Variants in RGL1 observed in about 807,000 individuals in gnomAD.
RGL1 encodes the protein ral guanine nucleotide dissociation stimulator like 1.
A neutral mutation model predicts 95.2 loss-of-function variants in RGL1; 24 were observed. That is an observed-to-expected ratio of 0.25 (90% confidence interval 0.18 to 0.35). RGL1 has a LOEUF of 0.35. Ranked by LOEUF, RGL1 falls within the 10% of genes least tolerant of loss-of-function variation. The pLI, the probability that RGL1 is intolerant of heterozygous loss-of-function variation, is 1.00. For synonymous variants in RGL1, 329 were observed against 344.9 expected (o/e 0.95, Z 0.51); for missense variants, 715 against 936.3 (o/e 0.76, Z 3.08).
chr1:183,919,668 A>G (rs2102753024), intron 16 of RGL1, among the ~76,000 whole-genome samples: 1 of 152,334 alleles, frequency 6.6e-6, no homozygotes, highest in South Asian at 2.1e-4. Context: ...TGACCATGGA[A>G]AAATGTCTTC....
intron 2 of RGL1, among the ~76,000 whole-genome samples, chr1:183,841,707 T>C (rs1664073246): frequency 6.6e-6 from 1 of 152,202 alleles, no homozygotes; most frequent in African/African-American, 2.4e-5. Context: ...ACATACATGA[T>C]TTCTGCTGAG....
chr1:183,876,244 A>G (rs1666489948), intron 4 of RGL1, among the ~76,000 whole-genome samples: 2 of 152,372 alleles, frequency 1.3e-5, no homozygotes, highest in African/African-American at 4.8e-5. Flanking sequence ...TTGGTGAATG[A>G]ATTTCTTAGA....
chr1:183,916,601 C>T lies in RGL1; in HGVS notation c.1904C>T (p.Ser635Leu), dbSNP rs1416862285. 2 of 1,613,922 alleles carry T rather than the reference C, an allele frequency of 1.2e-6. No individual in the cohort carries two copies. The highest frequency in any genetic ancestry group is 1.7e-5 in the Admixed American group (1 of 60,002). Residue 635 changes from serine (S) to leucine (L), a missense_variant, in exon 16 of 18, where the codon TCG (serine) becomes TTG (leucine). Ser to Leu is a moderately radical substitution (Grantham distance 145). Transcript: ENST00000360851. Reference protein sequence around the residue: ...KRSVSVTSITSTVLPPVYNQQ... With the variant: ...KRSVSVTSITLTVLPPVYNQQ... ...TCTGTCTCGGTGACGTCCATTACCT[C>T]GACTGTGCTGCCTCCTGTTTACAAC...
At chr1:183,907,523 C>T (rs894777597) in intron 14 of RGL1, among the ~76,000 whole-genome samples, 3 of 152,198 alleles carry the variant, frequency 2.0e-5, no homozygotes, top group Non-Finnish European at 4.4e-5. Flanking sequence ...CTGCAGACTT[C>T]CCTCTCTTAC....
intron 1 of RGL1, among the ~76,000 whole-genome samples, chr1:183,727,699 C>G (rs537840401): frequency 6.6e-6 from 1 of 152,112 alleles, no homozygotes; most frequent in Non-Finnish European, 1.5e-5. Context: ...ATGCAGCAAA[C>G]AGCAAATCTT....
intron 2 of RGL1, among the ~76,000 whole-genome samples, chr1:183,780,468 G>A (rs918780609): frequency 6.6e-6 from 1 of 152,206 alleles, no homozygotes; most frequent in Non-Finnish European, 1.5e-5. Flanking sequence ...TCAGCATTTA[G>A]AAATTATCCA....
chr1:183,679,837 G>A (rs761935875), intron 1 of RGL1, among the ~76,000 whole-genome samples: 1 of 152,208 alleles, frequency 6.6e-6, no homozygotes, highest in Non-Finnish European at 1.5e-5. Flanking sequence ...CACTAACAGT[G>A]TAAAAGTGTT....
chr1:183,668,265 CCTGT>C (rs1652181835), intron 1 of RGL1, among the ~76,000 whole-genome samples: 1 of 151,994 alleles, frequency 6.6e-6, no homozygotes, highest in Non-Finnish European at 1.5e-5. Flanking sequence ...TCAATTTTTG[CCTGT>C]CTGAGGAAGT....
chr1:183,766,345 T>G (rs138021817), intron 2 of RGL1, among the ~76,000 whole-genome samples: 2 of 152,246 alleles, frequency 1.3e-5, no homozygotes, highest in African/African-American at 4.8e-5. Flanking sequence ...CTCACTTTTT[T>G]TTTTTACTAC....
Position 183,902,595 on chromosome 1 carries a change from A to G in RGL1, c.1345A>G (p.Arg449Gly). 6.2e-7 allele frequency: 1 copy of G among 1,610,918 alleles called. No homozygotes were observed. The highest frequency in any genetic ancestry group is 8.5e-7 in the Non-Finnish European group (1 of 1,178,980). ...TGGACTGATAAACTTTGAGAAAAGG[A>G]GAAGGGTAAGTAGAGTTGTTGGCTG... ...EGGLINFEKR[R>G]REFEVIAQIK... Residue 449 changes from arginine to glycine, a missense_variant, in exon 12 of 18, where the codon AGA becomes GGA. This residue lies in a region of RGL1 where 330 missense variants were observed against 429.6 expected (regional missense o/e 0.77). Coordinates refer to ENST00000360851, the MANE Select transcript of RGL1 (RefSeq NM_001297671.3).
At chr1:183,789,120 G>A (rs1558207788) in intron 2 of RGL1, among the ~76,000 whole-genome samples, 2 of 152,228 alleles carry the variant, frequency 1.3e-5, no homozygotes, top group Non-Finnish European at 2.9e-5. Flanking sequence ...TTAGCACCAT[G>A]AGGCAGGTAC....
chr1:183,682,978 C>T (rs780579769), intron 1 of RGL1, among the ~76,000 whole-genome samples: 11 of 151,218 alleles, frequency 7.3e-5, no homozygotes, highest in Admixed American at 3.3e-4. Context: ...TTATCAGAGA[C>T]GAGGATTGCA....
chr1:183,641,707 A>C (rs1015999153), intron 1 of RGL1, among the ~76,000 whole-genome samples: 1 of 152,232 alleles, frequency 6.6e-6, no homozygotes. Context: ...TATGCTCTGC[A>C]ATAGTTTAAA....
At chr1:183,880,914 A>C in intron 5 of RGL1, 114 bp downstream of exon 5, 2 of 881,648 alleles carry the variant, frequency 2.3e-6, no homozygotes, top group Non-Finnish European at 3.4e-6. Context: ...CCTCAAAACA[A>C]CATGCTGCTG....
At chr1:183,751,704 C>G (rs1393154065) in intron 2 of RGL1, among the ~76,000 whole-genome samples, 1 of 152,182 alleles carries the variant, frequency 6.6e-6, no homozygotes, top group African/African-American at 2.4e-5. Context: ...AATTTCCTGG[C>G]CTGTGGGTTG....
At chr1:183,678,604 A>AT (rs36060724) in intron 1 of RGL1, among the ~76,000 whole-genome samples, 45,130 of 147,564 alleles carry the variant, frequency 0.31, 7,087 homozygotes, top group Middle Eastern at 0.39. Context: ...TGACACCAAG[A>AT]TTTTTTTTTT....
chr1:183,918,407 A>T, intron 16 of RGL1, among the ~76,000 whole-genome samples: 1 of 152,224 alleles, frequency 6.6e-6, no homozygotes, highest in East Asian at 1.9e-4. Flanking sequence ...CTGCCTGCTC[A>T]GCATGGTCTG....
intron 16 of RGL1, among the ~76,000 whole-genome samples, chr1:183,919,970 A>AT (rs1163540849): frequency 6.6e-6 from 1 of 152,176 alleles, no homozygotes; most frequent in Non-Finnish European, 1.5e-5. Context: ...TGCATTAACA[A>AT]TTTTTGTATT....
chr1:183,825,327 A>G (rs1662772263), intron 2 of RGL1, among the ~76,000 whole-genome samples: 1 of 152,208 alleles, frequency 6.6e-6, no homozygotes, highest in African/African-American at 2.4e-5. Flanking sequence ...GAGAAAATGG[A>G]AAATAAAAGA....
Sources: gnomAD v4.1 joint callset for allele counts (sites outside exome capture counted in the v4.1 genomes callset) on GRCh38, gnomAD v4.1.1 for gene constraint, gnomAD v4.1.1 regional missense constraint, MANE v1.5 for transcripts, NCBI Gene and HGNC (gene_info 2026-07-23, HGNC 2026-07-21) for gene names.